CCR1: variants seen among roughly 807,000 people sequenced by gnomAD.
CCR1 encodes C-C chemokine receptor type 1.
In CCR1, 1 loss-of-function variant was observed where a neutral mutation model predicts 0.3. That is an observed-to-expected ratio of 3.70 (90% CI 1.31 to 17.54). The LOEUF (loss-of-function observed/expected upper bound fraction) is 17.54, where lower values mean the gene tolerates loss of function less well. CCR1 is among the 30% of genes most tolerant of loss of function. The probability of loss-of-function intolerance (pLI) is 0.11; values close to 1 mark genes in which losing one functional copy is unlikely to be tolerated. For synonymous variants in CCR1, 207 were observed against 182.5 expected, an observed-to-expected ratio of 1.13 and a Z score of -1.08; for missense variants, 349 against 435.4, an observed-to-expected ratio of 0.80 and a Z score of 1.77.
intron 1 of CCR1, among the ~76,000 whole-genome samples, chr3:46,207,731 A>G (rs1575479816): frequency 6.8e-6 from 1 of 146,908 alleles, no homozygotes; most frequent in Non-Finnish European, 1.5e-5. Context: ...TGCAACCTCC[A>G]CCTCCCGGAT....
intron 1 of CCR1, among the ~76,000 whole-genome samples, chr3:46,207,241 G>T (rs2125921114): frequency 6.6e-6 from 1 of 152,220 alleles, no homozygotes; most frequent in Middle Eastern, 3.4e-3. Flanking sequence ...ATCAGTGAGT[G>T]GCACATAGCC....
At chr3:46,207,218 C>T (rs373429509) in intron 1 of CCR1, among the ~76,000 whole-genome samples, 9 of 152,266 alleles carry the variant, frequency 5.9e-5, no homozygotes, top group African/African-American at 1.9e-4. Context: ...CTGCTCGGTG[C>T]GGGAACTAAA....
rs1365905356 is a variant in CCR1 at position 46,203,847 on chromosome 3, A to C, written c.467T>G (p.Ile156Ser). The C allele has an allele frequency of 4.3e-6, 7 of 1,614,106 alleles. No individual in the cohort carries two copies. The highest frequency in any genetic ancestry group is 4.2e-6 in the Non-Finnish European group (5 of 1,180,040). Residue 156 changes from isoleucine to serine, a missense_variant, in exon 2 of 2, where the codon ATC becomes AGC. Ile to Ser is a moderately radical substitution (Grantham distance 142). Transcript: ENST00000296140. The surrounding 1 kb of genome is among the most constrained non-coding windows in gnomAD (Gnocchi z 4.5). ...AGCCAAGATGGCCAGGGCCCAAATG[A>C]TGATGCTGGTGATGACACCAAAAGT... ...TVTFGVITSIIIWALAILASM... is the reference protein window; with the variant it reads ...TVTFGVITSISIWALAILASM...
Position 46,203,204 on chromosome 3 carries a change from G to A in CCR1, c.*42C>T. ...GGCTGCTGGCTCAGTGTGCCTGGCA[G>A]GTCACGCCTGCTTATTTTGGGTTGG... On this transcript the variant is annotated 3_prime_UTR_variant, in exon 2 of 2. Coordinates refer to ENST00000296140, the MANE Select transcript of CCR1 (RefSeq NM_001295.3). This position sits in a 1 kb window ranked among gnomAD's most constrained non-coding sequence, Gnocchi z 4.5. 1 of 1,467,500 alleles carries A rather than the reference G, an allele frequency of 6.8e-7. No homozygotes were observed. Among genetic ancestry groups the A allele is most frequent in the Non-Finnish European group, 9.4e-7 (1 of 1,062,054 alleles). 90.9% of individuals were successfully genotyped at this position (1,467,500 alleles called of 1,614,324 possible). A position where few individuals can be genotyped will look rare whatever the true frequency, so the allele number is the denominator to read the frequency against.
At position 46,202,741 on chromosome 3, in the gene CCR1, G is replaced by A. The variant is rs1699607434; in HGVS notation, c.*505C>T. 1 of 150,386 alleles carries A rather than the reference G, an allele frequency of 6.6e-6. No homozygotes were observed. The highest frequency in any genetic ancestry group is 6.6e-5 in the Admixed American group (1 of 15,108). The allele number at this position is 150,386 out of a possible 1,614,324, so 9.3% of individuals were successfully genotyped here. ...CTGGGACTCAGAGTGGAGTCACTGT[G>A]GAAATCACTATTTCCAAGTTCTTTG... On this transcript the variant is annotated 3_prime_UTR_variant, in exon 2 of 2. Coordinates refer to ENST00000296140, the MANE Select transcript of CCR1 (RefSeq NM_001295.3).
Position 46,204,223 on chromosome 3 carries a change from C to T in CCR1, c.91G>A (p.Ala31Thr). 1 of 1,614,058 alleles carries T rather than the reference C, an allele frequency of 6.2e-7. No individual in the cohort carries two copies. The highest frequency in any genetic ancestry group is 8.5e-7 in the Non-Finnish European group (1 of 1,179,990). ...ATPCQKVNER[A>T]FGAQLLPPLY... ...GGGGGCAGCAGTTGGGCCCCAAAGG[C>T]CCTCTCGTTCACCTTCTGGCACGGA... Residue 31 changes from alanine to threonine, a missense_variant, in exon 2 of 2, where the codon GCC (alanine) becomes ACC (threonine). Ala to Thr is a moderately conservative substitution (Grantham distance 58, BLOSUM62 0). Transcript: ENST00000296140.
In CCR1 at chr3:46,203,074, C is replaced by T; in HGVS notation, c.*172G>A. 1 of 557,976 alleles carries T rather than the reference C, an allele frequency of 1.8e-6. No homozygotes were observed. Among genetic ancestry groups the T allele is most frequent in the Admixed American group, 3.2e-5 (1 of 31,344 alleles). 34.6% of individuals were successfully genotyped at this position (557,976 alleles called of 1,614,324 possible). On this transcript the variant is annotated 3_prime_UTR_variant, in exon 2 of 2. Transcript: ENST00000296140. This position sits in a 1 kb window ranked among gnomAD's most constrained non-coding sequence, Gnocchi z 4.5. Reference sequence around the variant, plus strand: ...GAGAAGTTCATGGAAAAGACTGAAGCCCCAGAAGCCTCAGAAGCCCCAGGC... The same window carrying T: ...GAGAAGTTCATGGAAAAGACTGAAGTCCCAGAAGCCTCAGAAGCCCCAGGC...
chr3:46,207,180 A>C (rs1331107569), intron 1 of CCR1, among the ~76,000 whole-genome samples: 11 of 152,130 alleles, frequency 7.2e-5, no homozygotes, highest in Non-Finnish European at 1.3e-4. Flanking sequence ...CCCAGGCCCC[A>C]CATTCTGAAC....
intron 1 of CCR1, among the ~76,000 whole-genome samples, chr3:46,206,551 G>A (rs975468600): frequency 2.6e-5 from 4 of 152,238 alleles, no homozygotes; most frequent in African/African-American, 9.6e-5. Flanking sequence ...ACAAAGAGCA[G>A]CTAGTGCAAG....
At chr3:46,207,399 T>C (rs1699656621) in intron 1 of CCR1, among the ~76,000 whole-genome samples, 1 of 151,944 alleles carries the variant, frequency 6.6e-6, no homozygotes. Flanking sequence ...TCTTTGTTAG[T>C]AGAGCAGAAC....
chr3:46,206,372 T>G (rs1036434415), intron 1 of CCR1, among the ~76,000 whole-genome samples: 1 of 152,274 alleles, frequency 6.6e-6, no homozygotes, highest in East Asian at 1.9e-4. Context: ...CAATCAGCCC[T>G]CTTTCTGGAG....
intron 1 of CCR1, among the ~76,000 whole-genome samples, chr3:46,207,264 G>A (rs567222340): frequency 1.3e-5 from 2 of 152,292 alleles, no homozygotes; most frequent in South Asian, 4.2e-4. Flanking sequence ...GTGCCAGGTT[G>A]TGCAAACTTT....
In CCR1 at chr3:46,204,333, T is replaced by TAA. The variant is rs58092235; in HGVS notation, c.-11-11_-11-10dup. 248 of 1,290,528 alleles carry TAA rather than the reference T, an allele frequency of 1.9e-4. No individual in the cohort carries two copies. Among genetic ancestry groups the TAA allele is most frequent in the African/African-American group, 4.3e-4 (28 of 65,154 alleles). 79.9% of individuals were successfully genotyped at this position (1,290,528 alleles called of 1,614,324 possible). A position where few individuals can be genotyped will look rare whatever the true frequency, so the allele number is the denominator to read the frequency against. On this transcript the variant is annotated splice_polypyrimidine_tract_variant and intron_variant, in intron 1 of 1. Transcript: ENST00000296140. ...TTCCATCCCGGCTTCTCCTACAGGT[T>TAA]AAAAAAAAAAAAAAGATTTGTCTTT... is the stretch of plus-strand genomic sequence containing the variant.
chr3:46,206,757 G>T (rs1054761410), intron 1 of CCR1, among the ~76,000 whole-genome samples: 1 of 152,164 alleles, frequency 6.6e-6, no homozygotes, highest in South Asian at 2.1e-4. Context: ...GTGATCTGGG[G>T]TGGGGCCCGA....
At chr3:46,207,835 G>A (rs1312587629) in intron 1 of CCR1, among the ~76,000 whole-genome samples, 3 of 151,950 alleles carry the variant, frequency 2.0e-5, no homozygotes, top group African/African-American at 7.3e-5. Flanking sequence ...TAGAGACAGG[G>A]TTTCACCATA....
rs1354972052 is a variant in CCR1 at position 46,204,266 on chromosome 3, A to G, written c.48T>C (p.Phe16=). 1.2e-6 allele frequency: 2 copies of G among 1,613,084 alleles called. No homozygotes were observed. Among genetic ancestry groups the G allele is most frequent in the Non-Finnish European group, 1.7e-6 (2 of 1,179,514 alleles). Residue 16 remains phenylalanine, a synonymous_variant, in exon 2 of 2, where the codon TTT becomes TTC. Coordinates refer to ENST00000296140, the MANE Select transcript of CCR1 (RefSeq NM_001295.3). The stretch of plus-strand genomic sequence containing the variant: ...GGCACGGAGTTGCATCCCCATAGTC[A>G]AACTCTGTGGTCGTGTCATAGTCCT... ...TTEDYDTTTE[F]DYGDATPCQK...
intron 1 of CCR1, among the ~76,000 whole-genome samples, chr3:46,207,855 T>C (rs1699660726): frequency 6.6e-6 from 1 of 152,094 alleles, no homozygotes; most frequent in African/African-American, 2.4e-5. Flanking sequence ...ATGGCCAGGA[T>C]TGTCTCCATC....
chr3:46,203,397 T>C lies in CCR1; in HGVS notation c.917A>G (p.Glu306Gly). 1 of 1,614,112 alleles carries C rather than the reference T, an allele frequency of 6.2e-7. No individual in the cohort carries two copies. Among genetic ancestry groups the C allele is most frequent in the Non-Finnish European group, 8.5e-7 (1 of 1,180,014 alleles). The change falls in exon 2 of 2, where the codon GAG becomes GGG. Residue 306 changes from glutamate (E) to glycine (G), a missense_variant. Coordinates refer to ENST00000296140, the MANE Select transcript of CCR1 (RefSeq NM_001295.3). The surrounding 1 kb of genome is among the most constrained non-coding windows in gnomAD (Gnocchi z 4.5). Reference sequence around the variant, plus strand: ...CTGCCGCAGGTACTTCCGGAACCTCTCACCAACGAAGGCGTAGATCACTGG... The same window carrying C: ...CTGCCGCAGGTACTTCCGGAACCTCCCACCAACGAAGGCGTAGATCACTGG... ...VNPVIYAFVG[E>G]RFRKYLRQLF...
In CCR1 at chr3:46,204,086, C is replaced by T; in HGVS notation, c.228G>A (p.Leu76=). The T allele has an allele frequency of 1.2e-6, 2 of 1,614,124 alleles. No individual in the cohort carries two copies. The highest frequency in any genetic ancestry group is 1.7e-6 in the Non-Finnish European group (2 of 1,180,014). Residue 76 remains leucine, a synonymous_variant, in exon 2 of 2, where the codon CTG becomes CTA. Coordinates refer to ENST00000296140, the MANE Select transcript of CCR1 (RefSeq NM_001295.3). ...ACAGGAAGAGCAGGTCAGAAATGGC[C>T]AGGTTCAGGAGGTAGATGCTGGTCA... ...KNMTSIYLLN[L]AISDLLFLFT...
Sources: allele counts gnomAD v4.1 joint callset (sites outside exome capture counted in the v4.1 genomes callset), GRCh38; gene constraint gnomAD v4.1.1; non-coding constraint Gnocchi (gnomAD v3.1); transcripts MANE v1.5; gene names NCBI Gene and HGNC (gene_info 2026-07-23, HGNC 2026-07-21).